KLHL1: variants seen among roughly 807,000 people sequenced by gnomAD.
The protein encoded by KLHL1 is kelch-like protein 1.
In KLHL1, 47 loss-of-function variants were observed where a neutral mutation model predicts 77.7. The ratio of observed to expected loss-of-function variants is 0.60; its 90% CI spans 0.48 to 0.77. The LOEUF (loss-of-function observed/expected upper bound fraction) is 0.77, where lower values mean the gene tolerates loss of function less well. Among genes scored for constraint, KLHL1 ranks in the 30% least tolerant of loss-of-function variants. The pLI is 0.00. For synonymous variants in KLHL1, 360 were observed against 325.2 expected, an observed-to-expected ratio of 1.11 and a Z score of -1.15; for missense variants, 925 against 910.8, an observed-to-expected ratio of 1.02 and a Z score of -0.20.
chr13:69,881,316 A>G (rs1426553065), intron 5 of KLHL1, among the ~76,000 whole-genome samples: 2 of 152,060 alleles, frequency 1.3e-5, no homozygotes, highest in African/African-American at 4.8e-5. Context: ...TTAATACTTC[A>G]TACTTGCCTA....
At chr13:70,026,861 A>G (rs932177666) in intron 1 of KLHL1, among the ~76,000 whole-genome samples, 6 of 152,078 alleles carry the variant, frequency 3.9e-5, no homozygotes, top group African/African-American at 1.4e-4. Context: ...ATATTAAAAA[A>G]AGACAAATAG....
chr13:69,765,438 A>C (rs1279045947), intron 7 of KLHL1, among the ~76,000 whole-genome samples: 1 of 152,164 alleles, frequency 6.6e-6, no homozygotes, highest in Non-Finnish European at 1.5e-5. Flanking sequence ...GAACATACTA[A>C]TTTCAGGTAA....
intron 1 of KLHL1, among the ~76,000 whole-genome samples, chr13:70,047,723 T>C (rs1886537555): frequency 6.6e-6 from 1 of 152,180 alleles, no homozygotes; most frequent in African/African-American, 2.4e-5. Flanking sequence ...AAAACACAAT[T>C]ACATTCTTAA....
intron 9 of KLHL1, among the ~76,000 whole-genome samples, chr13:69,712,983 AT>A (rs1385812839): frequency 1.3e-5 from 2 of 151,524 alleles, no homozygotes; most frequent in Non-Finnish European, 2.9e-5. Context: ...CTAATTTTTT[AT>A]TTTTATTATT....
At chr13:70,026,351 T>A (rs1349654336) in intron 1 of KLHL1, among the ~76,000 whole-genome samples, 1 of 152,128 alleles carries the variant, frequency 6.6e-6, no homozygotes, top group Non-Finnish European at 1.5e-5. Flanking sequence ...CTAAAAACAG[T>A]ACTACATATA....
intron 6 of KLHL1, among the ~76,000 whole-genome samples, chr13:69,824,923 A>G (rs964450388): frequency 6.6e-6 from 1 of 152,150 alleles, no homozygotes; most frequent in South Asian, 2.1e-4. Context: ...ATATCTAAAA[A>G]AAATTTGAAA....
At chr13:69,982,479 TAA>T (rs1029722644) in intron 1 of KLHL1, among the ~76,000 whole-genome samples, 18 of 142,046 alleles carry the variant, frequency 1.3e-4, no homozygotes, top group African/African-American at 3.9e-4. Flanking sequence ...ATAATAATAA[TAA>T]AATAAAAAGC....
chr13:69,840,698 A>ATAGATGTATG (rs1879218184), intron 5 of KLHL1, among the ~76,000 whole-genome samples: 1 of 146,276 alleles, frequency 6.8e-6, no homozygotes, highest in Admixed American at 6.8e-5. Flanking sequence ...ATATATATAT[A>ATAGATGTATG]TATGTATGTA....
At chr13:69,804,645 A>C (rs1174546076) in intron 6 of KLHL1, among the ~76,000 whole-genome samples, 1 of 152,160 alleles carries the variant, frequency 6.6e-6, no homozygotes, top group African/African-American at 2.4e-5. Context: ...TTAAAGCAGC[A>C]ATGGGTGGCA....
chr13:69,843,081 G>C (rs1319423160), intron 5 of KLHL1, among the ~76,000 whole-genome samples: 1 of 151,618 alleles, frequency 6.6e-6, no homozygotes, highest in Admixed American at 6.6e-5. Context: ...CTGAGTTAAA[G>C]GGTAAAACTC....
intron 9 of KLHL1, among the ~76,000 whole-genome samples, chr13:69,717,870 G>A (rs146051723): frequency 5.3e-4 from 81 of 152,172 alleles, no homozygotes; most frequent in African/African-American, 1.8e-3. Context: ...CCTGATTTCC[G>A]TGGACTAGAA....
At chr13:69,823,368 A>G (rs12431120) in intron 6 of KLHL1, among the ~76,000 whole-genome samples, 20,264 of 152,072 alleles carry the variant, frequency 0.13, 1,557 homozygotes, top group African/African-American at 0.18. Context: ...TTTTATTAAA[A>G]TAAGTGAATA....
chr13:69,843,240 T>G (rs965759317), intron 5 of KLHL1, among the ~76,000 whole-genome samples: 1 of 151,718 alleles, frequency 6.6e-6, no homozygotes, highest in Non-Finnish European at 1.5e-5. Context: ...ATTTCTCATG[T>G]ACTTCATAAA....
chr13:69,839,635 TA>T (rs1266676026), intron 5 of KLHL1, among the ~76,000 whole-genome samples: 1 of 151,920 alleles, frequency 6.6e-6, no homozygotes, highest in East Asian at 1.9e-4. Flanking sequence ...AATAACTCAA[TA>T]AAGATGAAAA....
At chr13:69,834,903 TAATG>T (rs1248942640) in intron 6 of KLHL1, among the ~76,000 whole-genome samples, 1 of 152,162 alleles carries the variant, frequency 6.6e-6, no homozygotes, top group Non-Finnish European at 1.5e-5. Context: ...GTCAAATTGT[TAATG>T]AATGGTCATT....
intron 4 of KLHL1, among the ~76,000 whole-genome samples, chr13:69,912,383 T>A (rs771715550): frequency 6.6e-6 from 1 of 152,178 alleles, no homozygotes; most frequent in African/African-American, 2.4e-5. Flanking sequence ...TAATTGCTGG[T>A]AGTATCAGAA....
chr13:70,076,822 A>T (rs1887278772), intron 1 of KLHL1, among the ~76,000 whole-genome samples: 1 of 152,036 alleles, frequency 6.6e-6, no homozygotes, highest in African/African-American at 2.4e-5. Context: ...TAAAAAGTTA[A>T]CAAAAGATTT....
At chr13:69,798,893 G>A (rs1486446331) in intron 6 of KLHL1, among the ~76,000 whole-genome samples, 3 of 151,898 alleles carry the variant, frequency 2.0e-5, no homozygotes, top group South Asian at 2.1e-4. Flanking sequence ...AAACTCTGTC[G>A]AAACCCCATC....
intron 4 of KLHL1, among the ~76,000 whole-genome samples, chr13:69,919,728 G>T (rs1425277335): frequency 1.3e-5 from 2 of 151,990 alleles, no homozygotes; most frequent in African/African-American, 4.8e-5. Flanking sequence ...ACCAAAACAA[G>T]CTACTCAGAT....
Sources: gnomAD v4.1 joint callset for allele counts (sites outside exome capture counted in the v4.1 genomes callset) on GRCh38, gnomAD v4.1.1 for gene constraint, MANE v1.5 for transcripts, NCBI Gene and HGNC (gene_info 2026-07-23, HGNC 2026-07-21) for gene names.